CHCHD7: variants seen among roughly 807,000 people sequenced by gnomAD.
CHCHD7 encodes the protein coiled-coil-helix-coiled-coil-helix domain-containing protein 7.
A neutral mutation model predicts 10.5 loss-of-function variants in CHCHD7; 7 were observed. The observed-to-expected ratio is 0.67, with a 90% CI of 0.38 to 1.25. The LOEUF (loss-of-function observed/expected upper bound fraction) is 1.25. CHCHD7 is among the 50% of genes most tolerant of loss of function. The pLI, the probability that CHCHD7 is intolerant of heterozygous loss-of-function variation, is 0.02. For synonymous variants in CHCHD7, 40 were observed against 36.0 expected, an observed-to-expected ratio of 1.11 and a Z score of -0.40; for missense variants, 100 against 104.5, an observed-to-expected ratio of 0.96 and a Z score of 0.19.
intron 3 of CHCHD7, 191 bp downstream of exon 3, chr8:56,216,722 C>A: frequency 1.4e-6 from 1 of 721,172 alleles, no homozygotes; most frequent in South Asian, 1.5e-5. Context: ...GCCTCGTCGT[C>A]CTCTAAGCTA....
chr8:56,216,066 G>A (rs1227648978), intron 2 of CHCHD7, among the ~76,000 whole-genome samples: 1 of 152,226 alleles, frequency 6.6e-6, no homozygotes, highest in Non-Finnish European at 1.5e-5. Flanking sequence ...CAGGAGAGAT[G>A]TACTGTGAGT....
chr8:56,214,558 TCAA>T, intron 1 of CHCHD7, 37 bp from the exon 2 acceptor site: 1 of 1,482,862 alleles, frequency 6.7e-7, no homozygotes, highest in Non-Finnish European at 9.4e-7. Flanking sequence ...TTATTTTCTG[TCAA>T]CTACTGTATA....
chr8:56,212,481 A>AC (rs2129239053), intron 1 of CHCHD7: 1 of 178,758 alleles, frequency 5.6e-6, no homozygotes, highest in South Asian at 1.7e-4. Flanking sequence ...GAGAGGGGGG[A>AC]CGTGAACCAC....
In CHCHD7 at chr8:56,214,621, C is replaced by G. The variant is rs371042795; in HGVS notation, c.8C>G (p.Ser3Trp). The G allele has an allele frequency of 5.0e-6, 8 of 1,613,072 alleles. No individual in the cohort carries two copies. In the Admixed American group the frequency reaches 1.3e-4, roughly 27 times the overall value. The change falls in exon 2 of 4, where the codon TCG becomes TGG. Residue 3 changes from serine to tryptophan, a missense_variant. Transcript: ENST00000355315. Reference protein sequence around the residue: MPSVTQRLRDPDI... With the variant: MPWVTQRLRDPDI... ...AGTAAGAAGACTGTTAGAATGCCCT[C>G]GGTAACACAGAGGCTGAGAGATCCT... is the stretch of plus-strand genomic sequence containing the variant.
intron 2 of CHCHD7, 180 bp downstream of exon 2, chr8:56,214,847 C>T: frequency 2.0e-6 from 1 of 492,048 alleles, no homozygotes; most frequent in Non-Finnish European, 3.7e-6. Context: ...CTCTAACAAA[C>T]ATTCATCTTT....
chr8:56,217,074 CT>C (rs1263273253), intron 3 of CHCHD7, among the ~76,000 whole-genome samples: 1 of 152,048 alleles, frequency 6.6e-6, no homozygotes, highest in Non-Finnish European at 1.5e-5. Flanking sequence ...TACTTTTGTA[CT>C]TTGTACTTTG....
At chr8:56,212,319 C>T (rs7006525) in intron 1 of CHCHD7, 9,235 of 153,168 alleles carry the variant, frequency 0.06, 927 homozygotes, top group African/African-American at 0.21. Flanking sequence ...TGCCCCCTTC[C>T]ACTTTGCACC....
At chr8:56,214,098 CAG>C (rs1479041849) in intron 1 of CHCHD7, 1 of 152,142 alleles carries the variant, frequency 6.6e-6, no homozygotes, top group Non-Finnish European at 1.5e-5. Context: ...TTTTTTGAGA[CAG>C]GGTCTCTCTC....
At chr8:56,216,365 G>A (rs375590198) in intron 2 of CHCHD7, 68 bp from the exon 3 acceptor site, 2 of 1,584,850 alleles carry the variant, frequency 1.3e-6, no homozygotes, top group Non-Finnish European at 1.7e-6. Flanking sequence ...AGCAGCTTTT[G>A]TTTGTTTGTT....
At chr8:56,212,791 G>C in intron 1 of CHCHD7, 1 of 1,021,754 alleles carries the variant, frequency 9.8e-7, no homozygotes, top group South Asian at 1.3e-5. Context: ...TGCAAAGGAG[G>C]GGACTTTCGG....
intron 1 of CHCHD7, chr8:56,212,802 A>G (rs1813087647): frequency 7.9e-7 from 1 of 1,267,516 alleles, no homozygotes; most frequent in South Asian, 1.2e-5. Flanking sequence ...GGACTTTCGG[A>G]AATCCAAACT....
intron 2 of CHCHD7, chr8:56,215,102 G>T: frequency 6.4e-6 from 1 of 155,236 alleles, no homozygotes; most frequent in Non-Finnish European, 1.4e-5. Flanking sequence ...TTTTCACAAA[G>T]GTATCTGATA....
intron 2 of CHCHD7, 23 bp from the exon 3 acceptor site, chr8:56,216,410 G>A: frequency 6.2e-7 from 1 of 1,613,722 alleles, no homozygotes; most frequent in Admixed American, 1.7e-5. Context: ...CCTTTTAAAT[G>A]ATGCCTCTCT....
intron 1 of CHCHD7, chr8:56,212,407 G>C (rs1274241058): frequency 6.5e-6 from 1 of 154,636 alleles, no homozygotes; most frequent in Non-Finnish European, 1.4e-5. Flanking sequence ...CTCCGACCAC[G>C]GGGCGTGTGG....
chr8:56,215,340 A>G (rs1585856060), intron 2 of CHCHD7: 1 of 152,330 alleles, frequency 6.6e-6, no homozygotes, highest in East Asian at 1.9e-4. Flanking sequence ...TATGTGTTGC[A>G]AACTGTCTAC....
intron 1 of CHCHD7, chr8:56,214,007 T>C (rs1482808209): frequency 6.6e-6 from 1 of 152,266 alleles, no homozygotes; most frequent in Non-Finnish European, 1.5e-5. Context: ...TCTTAGGTTT[T>C]ATTAGTACAT....
chr8:56,216,781 C>T (rs1228240439), intron 3 of CHCHD7: 1 of 697,966 alleles, frequency 1.4e-6, no homozygotes, highest in African/African-American at 1.8e-5. Flanking sequence ...ATTTAAGTAT[C>T]TGCAGCCCTA....
chr8:56,214,557 G>C (rs1563406999), intron 1 of CHCHD7, 41 bp from the exon 2 acceptor site: 2 of 1,476,770 alleles, frequency 1.4e-6, no homozygotes, highest in Non-Finnish European at 1.9e-6. Context: ...TTTATTTTCT[G>C]TCAACTACTG....
intron 2 of CHCHD7, 170 bp from the exon 3 acceptor site, chr8:56,216,263 A>G (rs1813336885): frequency 7.0e-6 from 7 of 995,998 alleles, no homozygotes; most frequent in African/African-American, 6.6e-5. Flanking sequence ...CAGAGTGCAT[A>G]CTGGGATAGC....
Sources: gnomAD v4.1 joint callset for allele counts (sites outside exome capture counted in the v4.1 genomes callset) on GRCh38, gnomAD v4.1.1 for gene constraint, MANE v1.5 for transcripts, NCBI Gene and HGNC (gene_info 2026-07-23, HGNC 2026-07-21) for gene names.